The following PCSK5 variants were observed in gnomAD, a reference collection of about 807,000 sequenced individuals.
PCSK5 encodes the protein prohormone convertase 5.
Under a neutral mutation model 233.2 loss-of-function variants are expected in PCSK5, and 129 were observed. The ratio of observed to expected loss-of-function variants is 0.55; its 90% CI spans 0.48 to 0.64. The LOEUF (loss-of-function observed/expected upper bound fraction) is 0.64, where lower values mean the gene tolerates loss of function less well. PCSK5 is among the 30% of genes least tolerant of loss of function. The pLI, the probability that PCSK5 is intolerant of heterozygous loss-of-function variation, is 0.00. For synonymous variants in PCSK5, 825 were observed against 879.2 expected, an observed-to-expected ratio of 0.94 and a Z score of 1.09; for missense variants, 2,076 against 2,430.1, an observed-to-expected ratio of 0.85 and a Z score of 3.06.
intron 18 of PCSK5, 120 bp from the exon 19 acceptor site, chr9:76,188,974 G>T: frequency 2.3e-6 from 2 of 870,012 alleles, no homozygotes; most frequent in Non-Finnish European, 3.4e-6. Context: ...TCAAGAAAAA[G>T]CATGAATATT....
At chr9:76,187,821 A>G (rs1373638827) in intron 17 of PCSK5, among the ~76,000 whole-genome samples, 2 of 150,848 alleles carry the variant, frequency 1.3e-5, no homozygotes, top group African/African-American at 2.4e-5. Context: ...ATTGCTAGGT[A>G]AATAGAAATT....
intron 21 of PCSK5, among the ~76,000 whole-genome samples, chr9:76,232,987 C>T (rs1162700354): frequency 1.3e-5 from 2 of 152,230 alleles, no homozygotes; most frequent in Non-Finnish European, 2.9e-5. Flanking sequence ...ATCCGAGCTA[C>T]AAAGCAGTGT....
chr9:75,940,943 A>G (rs1179332380), intron 2 of PCSK5, among the ~76,000 whole-genome samples: 10 of 152,248 alleles, frequency 6.6e-5, no homozygotes. Context: ...ATAAGTATTC[A>G]GAAGTGTCTG....
chr9:76,240,166 A>G (rs1252692083), intron 23 of PCSK5, among the ~76,000 whole-genome samples: 8 of 152,192 alleles, frequency 5.3e-5, no homozygotes, highest in Non-Finnish European at 1.0e-4. Context: ...GAGCTCCAAG[A>G]CATTTTTAGC....
chr9:76,320,474 T>C (rs1472830888), intron 30 of PCSK5, among the ~76,000 whole-genome samples: 2 of 135,882 alleles, frequency 1.5e-5, no homozygotes, highest in Admixed American at 7.2e-5. Flanking sequence ...GCTTTTTTTT[T>C]TTTTTTTTTT....
At chr9:75,943,470 G>A (rs1037321881) in intron 2 of PCSK5, among the ~76,000 whole-genome samples, 1 of 152,186 alleles carries the variant, frequency 6.6e-6, no homozygotes, top group African/African-American at 2.4e-5. Flanking sequence ...TTTAATGAAT[G>A]CAAGAGTAAA....
chr9:75,895,026 T>C (rs2131182838), intron 1 of PCSK5, among the ~76,000 whole-genome samples: 1 of 152,346 alleles, frequency 6.6e-6, no homozygotes, highest in Admixed American at 6.5e-5. Context: ...GAGTTGCTTA[T>C]AATCCTTGAT....
chr9:76,274,995 G>C (rs571173563), intron 24 of PCSK5, among the ~76,000 whole-genome samples: 1 of 152,070 alleles, frequency 6.6e-6, no homozygotes, highest in African/African-American at 2.4e-5. Flanking sequence ...AGTAAAGCAA[G>C]AACTCACTCA....
chr9:76,064,763 A>C (rs1830216764), intron 5 of PCSK5, among the ~76,000 whole-genome samples: 1 of 143,078 alleles, frequency 7.0e-6, no homozygotes, highest in Non-Finnish European at 1.5e-5. Flanking sequence ...CGCTCCTCAC[A>C]TCCCAGATGG....
intron 1 of PCSK5, among the ~76,000 whole-genome samples, chr9:75,927,640 A>G (rs1823555261): frequency 6.6e-6 from 1 of 152,140 alleles, no homozygotes; most frequent in Non-Finnish European, 1.5e-5. Flanking sequence ...CCAGTGGTGA[A>G]TGATTTCTGA....
In PCSK5 at chr9:76,189,156, G is replaced by C. The variant is rs763429672; in HGVS notation, c.2443G>C (p.Val815Leu). 1 of 1,611,440 alleles carries C rather than the reference G, an allele frequency of 6.2e-7. No homozygotes were observed. Among genetic ancestry groups the C allele is most frequent in the Non-Finnish European group, 8.5e-7 (1 of 1,177,906 alleles). The change falls in exon 19 of 38, where the codon GTG becomes CTG. Residue 815 changes from valine (V) to leucine (L), a missense_variant. Val to Leu is a conservative substitution (Grantham distance 32). This residue lies in a region of PCSK5 where 1,510 missense variants were observed against 1,538.1 expected (regional missense o/e 0.98). Coordinates refer to ENST00000674117, the MANE Select transcript of PCSK5 (RefSeq NM_001372043.1). ...EGYFMEDGRCVQSCSISYYFD... is the reference protein window; with the variant it reads ...EGYFMEDGRCLQSCSISYYFD... ...CTACTTCATGGAGGATGGGAGATGC[G>C]TGCAGAGCTGTAGTATCAGCTATTA... is the stretch of plus-strand genomic sequence containing the variant.
At chr9:76,222,989 C>G (rs564674415) in intron 20 of PCSK5, among the ~76,000 whole-genome samples, 1 of 152,260 alleles carries the variant, frequency 6.6e-6, no homozygotes, top group African/African-American at 2.4e-5. Context: ...CACTCATACT[C>G]TATGATTTCT....
chr9:76,143,468 A>G (rs1386933360), intron 10 of PCSK5, among the ~76,000 whole-genome samples: 1 of 152,200 alleles, frequency 6.6e-6, no homozygotes, highest in Admixed American at 6.5e-5. Flanking sequence ...TCTGATGTCA[A>G]AAAGAATATT....
chr9:76,225,356 C>G (rs1825855453), intron 20 of PCSK5, among the ~76,000 whole-genome samples: 1 of 152,152 alleles, frequency 6.6e-6, no homozygotes, highest in African/African-American at 2.4e-5. Flanking sequence ...CTCTCTGAGT[C>G]CACATTTCTC....
intron 5 of PCSK5, among the ~76,000 whole-genome samples, chr9:76,044,974 ATCT>A (rs1829315443): frequency 2.0e-5 from 3 of 152,314 alleles, no homozygotes; most frequent in Admixed American, 6.5e-5. Context: ...ACTCCTCCAA[ATCT>A]TCTCGCAAAA....
chr9:76,263,558 C>T (rs1827245477), intron 24 of PCSK5, among the ~76,000 whole-genome samples: 1 of 150,670 alleles, frequency 6.6e-6, no homozygotes, highest in Non-Finnish European at 1.5e-5. Context: ...TATTCTCACT[C>T]ATAGGTGGGA....
At chr9:76,049,646 T>G (rs982402211) in intron 5 of PCSK5, among the ~76,000 whole-genome samples, 5 of 152,138 alleles carry the variant, frequency 3.3e-5, no homozygotes, top group Non-Finnish European at 7.3e-5. Context: ...CAGAAGAAGC[T>G]TAGTAACCCC....
chr9:76,112,178 A>G (rs1832246619), intron 9 of PCSK5, among the ~76,000 whole-genome samples: 1 of 152,350 alleles, frequency 6.6e-6, no homozygotes, highest in African/African-American at 2.4e-5. Context: ...ATATATGTTC[A>G]GTAATCAAGA....
intron 7 of PCSK5, among the ~76,000 whole-genome samples, chr9:76,075,272 C>T (rs760325375): frequency 1.3e-5 from 2 of 151,918 alleles, no homozygotes; most frequent in Non-Finnish European, 2.9e-5. Flanking sequence ...ACGTAGCCTT[C>T]CTGAGCTCTG....
Sources: allele counts gnomAD v4.1 joint callset (sites outside exome capture counted in the v4.1 genomes callset), GRCh38; gene constraint gnomAD v4.1.1; regional missense constraint gnomAD v4.1.1; transcripts MANE v1.5; gene names NCBI Gene and HGNC (gene_info 2026-07-23, HGNC 2026-07-21).